Variants in SFMBT2 observed in about 807,000 individuals in gnomAD.
The protein encoded by SFMBT2 is scm-like with four MBT domains protein 2.
A neutral mutation model predicts 110.1 loss-of-function variants in SFMBT2; 38 were observed. That is an observed-to-expected ratio of 0.35 (90% CI 0.27 to 0.45). SFMBT2 has a LOEUF of 0.45. Among genes scored for constraint, SFMBT2 ranks in the 20% least tolerant of loss-of-function variants. The probability of loss-of-function intolerance (pLI) is 1.00; values close to 1 mark genes in which losing one functional copy is unlikely to be tolerated. For missense variants in SFMBT2, 1,011 were observed against 1,094.9 expected, an observed-to-expected ratio of 0.92 and a Z score of 1.08; for synonymous variants, 425 against 425.4, an observed-to-expected ratio of 1.00 and a Z score of 0.01.
rs2131526900 is a variant in SFMBT2 at position 7,171,111 on chromosome 10, C to A, written c.2416-55G>T. 1 of 1,610,876 alleles carries A rather than the reference C, an allele frequency of 6.2e-7. No individual in the cohort carries two copies. The highest frequency in any genetic ancestry group is 2.2e-5 in the East Asian group (1 of 44,826). On this transcript the variant is annotated intron_variant, in intron 19 of 20. Coordinates refer to ENST00000397167, the MANE Select transcript of SFMBT2 (RefSeq NM_001387889.1). This position sits in a 1 kb window ranked among gnomAD's most constrained non-coding sequence, Gnocchi z 4.9. ...TGCGGCACAGTCAGCTGGCTGGGTC[C>A]TCTCCAGCACTCTCCAGGCCTCGGC...
intron 4 of SFMBT2, among the ~76,000 whole-genome samples, chr10:7,331,045 G>C (rs866178532): frequency 5.9e-5 from 9 of 152,204 alleles, no homozygotes; most frequent in African/African-American, 1.9e-4. Flanking sequence ...CACAAGGATA[G>C]GTATTTTCTT....
chr10:7,270,238 G>A (rs114445362), intron 7 of SFMBT2, among the ~76,000 whole-genome samples: 2,627 of 152,210 alleles, frequency 0.017, 57 homozygotes, highest in African/African-American at 0.057. Flanking sequence ...CAAAGCCCAG[G>A]ACACAGGCGA....
At chr10:7,279,984 C>A (rs779978322) in intron 6 of SFMBT2, among the ~76,000 whole-genome samples, 20 of 152,298 alleles carry the variant, frequency 1.3e-4, no homozygotes, top group Non-Finnish European at 2.5e-4. Context: ...TTACTTGAAG[C>A]CCTAACCCCA....
In SFMBT2 at chr10:7,163,542, C is replaced by T. The variant is rs946091520; in HGVS notation, c.*228G>A. ...GAAGCAGGCCCACGTCTGGCAGGGTCTGATGCATGACTTTAACTGGCACTC... is the reference window on the plus strand; with the variant it reads ...GAAGCAGGCCCACGTCTGGCAGGGTTTGATGCATGACTTTAACTGGCACTC... On this transcript the variant is annotated 3_prime_UTR_variant, in exon 21 of 21. Coordinates refer to ENST00000397167, the MANE Select transcript of SFMBT2 (RefSeq NM_001387889.1). This position sits in a 1 kb window ranked among gnomAD's most constrained non-coding sequence, Gnocchi z 4.8. The T allele has an allele frequency of 4.7e-5, 23 of 490,634 alleles. No individual in the cohort carries two copies. In the Admixed American group the frequency reaches 6.6e-4, roughly 14 times the overall value. The allele number at this position is 490,634 out of a possible 1,614,324, so 30.4% of individuals were successfully genotyped here. A position where few individuals can be genotyped will look rare whatever the true frequency, so the allele number is the denominator to read the frequency against.
chr10:7,217,952 G>A (rs1021563837), intron 11 of SFMBT2, among the ~76,000 whole-genome samples: 2 of 152,154 alleles, frequency 1.3e-5, no homozygotes, highest in Non-Finnish European at 2.9e-5. Flanking sequence ...TTAATCTCAT[G>A]TAGTTTATTC....
chr10:7,296,893 G>A (rs74483194), intron 4 of SFMBT2, among the ~76,000 whole-genome samples: 345 of 152,346 alleles, frequency 2.3e-3, no homozygotes, highest in Middle Eastern at 0.01. Flanking sequence ...TCCTCCAGCA[G>A]GCGGCCTGCA....
intron 12 of SFMBT2, chr10:7,204,342 A>G: frequency 4.1e-6 from 4 of 985,328 alleles, no homozygotes; most frequent in Non-Finnish European, 4.8e-6. Flanking sequence ...ACGTTGTGAG[A>G]GTCTACAGAA....
chr10:7,249,623 T>C (rs1217684020), intron 7 of SFMBT2: 3 of 866,068 alleles, frequency 3.5e-6, no homozygotes, highest in Non-Finnish European at 4.2e-6. Flanking sequence ...GGTTTTTAAT[T>C]ACTCCAACGA....
At chr10:7,276,328 T>A (rs1316875282) in intron 7 of SFMBT2, among the ~76,000 whole-genome samples, 1 of 152,116 alleles carries the variant, frequency 6.6e-6, no homozygotes, top group African/African-American at 2.4e-5. Flanking sequence ...TAGTAGGAAG[T>A]GAGGGGGTGA....
intron 11 of SFMBT2, among the ~76,000 whole-genome samples, chr10:7,212,955 T>A (rs1245660607): frequency 6.6e-6 from 1 of 152,084 alleles, no homozygotes; most frequent in Admixed American, 6.5e-5. Context: ...CTGGAAACCA[T>A]CATCCTCAGC....
chr10:7,376,103 C>A (rs1314449931), intron 2 of SFMBT2, among the ~76,000 whole-genome samples: 2 of 152,158 alleles, frequency 1.3e-5, no homozygotes, highest in African/African-American at 4.8e-5. Flanking sequence ...ACGTCGCAAG[C>A]CTGTAAAAAG....
At chr10:7,338,628 A>T (rs1235959253) in intron 4 of SFMBT2, among the ~76,000 whole-genome samples, 1 of 152,174 alleles carries the variant, frequency 6.6e-6, no homozygotes, top group Non-Finnish European at 1.5e-5. Flanking sequence ...TAGGAAGCGG[A>T]GTTGGTCTTG....
chr10:7,189,127 G>A, intron 15 of SFMBT2: 3 of 982,100 alleles, frequency 3.1e-6, no homozygotes, highest in Non-Finnish European at 3.6e-6. Flanking sequence ...GATTTCATAA[G>A]GAACTAATGA....
At chr10:7,272,414 C>CTGTA (rs1283145307) in intron 7 of SFMBT2, among the ~76,000 whole-genome samples, 2 of 152,232 alleles carry the variant, frequency 1.3e-5, no homozygotes, top group African/African-American at 4.8e-5. Flanking sequence ...ACAGTGGCTC[C>CTGTA]TACAGAAGCC....
intron 10 of SFMBT2, among the ~76,000 whole-genome samples, chr10:7,224,692 G>A (rs1244342482): frequency 6.6e-6 from 1 of 152,102 alleles, no homozygotes; most frequent in East Asian, 1.9e-4. Flanking sequence ...GGTCAATTCA[G>A]TATGAGCTTA....
chr10:7,241,727 C>T (rs113132233), intron 9 of SFMBT2, among the ~76,000 whole-genome samples: 1 of 152,128 alleles, frequency 6.6e-6, no homozygotes, highest in Admixed American at 6.5e-5. Flanking sequence ...TAGGCACATC[C>T]ATTTTCCTGG....
rs115909601 is a variant in SFMBT2, at chr10:7,242,282, G to A, written c.1120+1276C>T. Among the ~76,000 whole-genome samples, 406 of 152,302 alleles carry A rather than the reference G, an allele frequency of 2.7e-3. 6 individuals carry two copies. The highest frequency in any genetic ancestry group is 9.4e-3 in the African/African-American group (392 of 41,558). On this transcript the variant is annotated intron_variant, in intron 9 of 20. Coordinates refer to ENST00000397167, the MANE Select transcript of SFMBT2 (RefSeq NM_001387889.1). ...CTGGACAGTCTTGAAAACTGAAGCA[G>A]TGATGTGGCTCAGGGTGCAAAGCCA...
intron 4 of SFMBT2, among the ~76,000 whole-genome samples, chr10:7,303,060 G>C (rs907305435): frequency 6.6e-6 from 1 of 151,950 alleles, no homozygotes; most frequent in Non-Finnish European, 1.5e-5. Flanking sequence ...TCATTCTGAG[G>C]CTGACTGTAA....
chr10:7,361,702 G>A (rs370061619), intron 4 of SFMBT2, among the ~76,000 whole-genome samples: 91 of 152,216 alleles, frequency 6.0e-4, no homozygotes, highest in African/African-American at 2.1e-3. Flanking sequence ...TTTTAATAAC[G>A]GGGAAAATAA....
Sources: allele counts gnomAD v4.1 joint callset (sites outside exome capture counted in the v4.1 genomes callset), GRCh38; gene constraint gnomAD v4.1.1; non-coding constraint Gnocchi (gnomAD v3.1); transcripts MANE v1.5; gene names NCBI Gene and HGNC (gene_info 2026-07-23, HGNC 2026-07-21).